The following LPP variants were observed in gnomAD, a reference collection of about 807,000 sequenced individuals.
LPP encodes the protein LIM domain containing preferred translocation partner in lipoma.
A neutral mutation model predicts 60.4 loss-of-function variants in LPP; 38 were observed. The observed-to-expected ratio is 0.63, with a 90% CI of 0.49 to 0.83. The LOEUF (loss-of-function observed/expected upper bound fraction) is 0.83, where lower values mean the gene tolerates loss of function less well. Ranked by LOEUF, LPP falls within the 40% of genes least tolerant of loss-of-function variation. The pLI is 0.00. For missense variants in LPP, 902 were observed against 783.6 expected, an observed-to-expected ratio of 1.15 and a Z score of -1.80; for synonymous variants, 328 against 290.8, an observed-to-expected ratio of 1.13 and a Z score of -1.30.
At chr3:188,178,204 G>A (rs78210300) in intron 1 of LPP, among the ~76,000 whole-genome samples, 1,943 of 152,256 alleles carry the variant, frequency 0.013, 47 homozygotes, top group African/African-American at 0.043. Flanking sequence ...CACAGATGGG[G>A]AGAGTGAGGC....
intron 7 of LPP, among the ~76,000 whole-genome samples, chr3:188,626,358 T>C (rs7635459): frequency 0.21 from 32,462 of 152,054 alleles, 3,818 homozygotes; most frequent in South Asian, 0.4. Flanking sequence ...TGTAAGAGGA[T>C]ATGTGTAGGT....
At chr3:188,211,654 G>A (rs1734725939) in intron 1 of LPP, among the ~76,000 whole-genome samples, 2 of 152,104 alleles carry the variant, frequency 1.3e-5, no homozygotes, top group Admixed American at 1.3e-4. Flanking sequence ...GTTAAACTGA[G>A]CAATTCACCC....
chr3:188,268,838 A>G (rs941342023), intron 2 of LPP, among the ~76,000 whole-genome samples: 1 of 152,222 alleles, frequency 6.6e-6, no homozygotes, highest in East Asian at 1.9e-4. Context: ...CCGCTTACAT[A>G]TATTTCAAAT....
At chr3:188,479,546 A>G (rs574474009) in intron 4 of LPP, among the ~76,000 whole-genome samples, 5 of 152,322 alleles carry the variant, frequency 3.3e-5, no homozygotes. Flanking sequence ...TTTTTCAGTC[A>G]TGCGACCTAC....
intron 1 of LPP, among the ~76,000 whole-genome samples, chr3:188,201,209 G>T (rs1246579984): frequency 2.0e-5 from 3 of 152,196 alleles, no homozygotes; most frequent in Non-Finnish European, 4.4e-5. Context: ...CTTCCACTGG[G>T]AGCCAATACT....
chr3:188,507,843 A>G (rs951037374), intron 5 of LPP, among the ~76,000 whole-genome samples: 1 of 152,198 alleles, frequency 6.6e-6, no homozygotes, highest in Non-Finnish European at 1.5e-5. Flanking sequence ...CTTTTGCTTC[A>G]GTTTCTGTCC....
chr3:188,707,414 G>T lies in LPP; in HGVS notation c.1114-853G>T, dbSNP rs184126283. Among the ~76,000 whole-genome samples, 346 of 152,234 alleles carry T rather than the reference G, an allele frequency of 2.3e-3. 5 individuals are homozygous for T. The highest frequency in any genetic ancestry group is 2.5e-4 in the Non-Finnish European group (17 of 68,022). On this transcript the variant is annotated intron_variant, in intron 7 of 11. Coordinates refer to ENST00000617246, the MANE Select transcript of LPP (RefSeq NM_001375462.1). Reference sequence around the variant, plus strand: ...TGATCCCTGCCCCCCTGCCCAACCTGGCCGCGCCAAAGCCCCAAAGTCCAT... The same window carrying T: ...TGATCCCTGCCCCCCTGCCCAACCTTGCCGCGCCAAAGCCCCAAAGTCCAT...
chr3:188,238,924 G>A (rs896542017), intron 2 of LPP, among the ~76,000 whole-genome samples: 2 of 152,174 alleles, frequency 1.3e-5, no homozygotes, highest in Admixed American at 1.3e-4. Flanking sequence ...CTACAATAAA[G>A]TGAAGTGCAA....
chr3:188,517,555 T>G (rs1475282026), intron 5 of LPP, among the ~76,000 whole-genome samples: 4 of 152,152 alleles, frequency 2.6e-5, no homozygotes, highest in Non-Finnish European at 5.9e-5. Context: ...ACACTACTAA[T>G]AAAGACATCC....
intron 6 of LPP, among the ~76,000 whole-genome samples, chr3:188,560,238 G>A (rs1034332549): frequency 1.3e-5 from 2 of 152,090 alleles, no homozygotes; most frequent in Admixed American, 6.6e-5. Context: ...GGTCTCTGAC[G>A]CATCTCTGCT....
At chr3:188,289,383 T>C (rs887937768) in intron 2 of LPP, among the ~76,000 whole-genome samples, 1 of 152,226 alleles carries the variant, frequency 6.6e-6, no homozygotes, top group African/African-American at 2.4e-5. Flanking sequence ...GATTTTTGCT[T>C]ATGTTACATC....
intron 4 of LPP, among the ~76,000 whole-genome samples, chr3:188,455,018 A>G (rs1797421224): frequency 6.6e-6 from 1 of 152,206 alleles, no homozygotes; most frequent in Non-Finnish European, 1.5e-5. Context: ...TCCTTTATAC[A>G]AGTGAGATGA....
Position 188,341,723 on chromosome 3 carries a change from A to G in LPP, c.-10+4A>G. The G allele has an allele frequency of 1.0e-6, 1 of 983,068 alleles. No individual in the cohort carries two copies. Among genetic ancestry groups the G allele is most frequent in the East Asian group, 1.1e-4 (1 of 8,822 alleles). The allele number at this position is 983,068 out of a possible 1,614,324, so 60.9% of individuals were successfully genotyped here. On this transcript the variant is annotated splice_donor_region_variant and intron_variant, in intron 3 of 11. Transcript: ENST00000617246. ...TTCCAGGAGCCAGCTATCTGAGGTA[A>G]GAGAGGAGGCGTGTCTTCTTGTTTA...
At chr3:188,184,578 T>C (rs1251776896) in intron 1 of LPP, among the ~76,000 whole-genome samples, 1 of 151,984 alleles carries the variant, frequency 6.6e-6, no homozygotes, top group African/African-American at 2.4e-5. Context: ...CATACTGAGC[T>C]GTGTGGTGGG....
intron 4 of LPP, among the ~76,000 whole-genome samples, chr3:188,480,806 A>G (rs569353935): frequency 6.6e-6 from 1 of 152,292 alleles, no homozygotes; most frequent in South Asian, 2.1e-4. Context: ...ATGAAGGTCT[A>G]CAGCTTAGCT....
intron 1 of LPP, among the ~76,000 whole-genome samples, chr3:188,156,985 C>T (rs994635919): frequency 1.3e-5 from 2 of 152,030 alleles, no homozygotes; most frequent in Non-Finnish European, 2.9e-5. Flanking sequence ...GAGACAAATA[C>T]GTTGTATCGA....
chr3:188,180,746 A>G (rs1204598595), intron 1 of LPP: 4 of 151,606 alleles, frequency 2.6e-5, no homozygotes, highest in African/African-American at 7.2e-5. Context: ...AAACATTTTC[A>G]TATCTTGCCA....
chr3:188,597,665 G>A (rs1038603524), intron 6 of LPP, among the ~76,000 whole-genome samples: 6 of 152,076 alleles, frequency 3.9e-5, no homozygotes, highest in African/African-American at 1.4e-4. Context: ...TAGATGAATG[G>A]TGCACAAAAC....
At chr3:188,313,150 A>G (rs200041239) in intron 2 of LPP, among the ~76,000 whole-genome samples, 1 of 148,958 alleles carries the variant, frequency 6.7e-6, no homozygotes, top group East Asian at 2.0e-4. Context: ...GAAAAAAAAA[A>G]GAATTTGCAT....
Sources: allele counts gnomAD v4.1 joint callset (sites outside exome capture counted in the v4.1 genomes callset), GRCh38; gene constraint gnomAD v4.1.1; transcripts MANE v1.5; gene names NCBI Gene and HGNC (gene_info 2026-07-23, HGNC 2026-07-21).